The following RCHY1 variants were observed in gnomAD, a reference collection of about 807,000 sequenced individuals.
The protein encoded by RCHY1 is RING finger and CHY zinc finger domain-containing protein 1.
Under a neutral mutation model 41.6 loss-of-function variants are expected in RCHY1, and 21 were observed. That is an observed-to-expected ratio of 0.51 (90% CI 0.36 to 0.73). The LOEUF (loss-of-function observed/expected upper bound fraction) is 0.73, where lower values mean the gene tolerates loss of function less well. RCHY1 is among the 30% of genes least tolerant of loss of function. The pLI is 0.00. For missense variants in RCHY1, 265 were observed against 325.3 expected, an observed-to-expected ratio of 0.81 and a Z score of 1.43; for synonymous variants, 79 against 102.9, an observed-to-expected ratio of 0.77 and a Z score of 1.41.
intron 8 of RCHY1, among the ~76,000 whole-genome samples, chr4:75,483,600 T>C (rs1262887318): frequency 1.3e-5 from 2 of 152,184 alleles, no homozygotes; most frequent in Non-Finnish European, 2.9e-5. Context: ...GAATTGTATC[T>C]TAATGAAGCC....
intron 8 of RCHY1, among the ~76,000 whole-genome samples, chr4:75,484,368 A>G (rs1361430178): frequency 6.6e-6 from 1 of 152,098 alleles, no homozygotes; most frequent in African/African-American, 2.4e-5. Flanking sequence ...CGCAACAAAA[A>G]CTGGACTGGG....
intron 3 of RCHY1, among the ~76,000 whole-genome samples, chr4:75,503,367 A>G (rs1044357011): frequency 1.4e-4 from 21 of 152,212 alleles, no homozygotes; most frequent in African/African-American, 5.1e-4. Context: ...GTCTCACTGA[A>G]AAAAAGGAAT....
intron 8 of RCHY1, among the ~76,000 whole-genome samples, chr4:75,485,078 G>A (rs1289937339): frequency 6.6e-6 from 1 of 152,186 alleles, no homozygotes; most frequent in Non-Finnish European, 1.5e-5. Flanking sequence ...TGCCCTGAAG[G>A]CTAAAAGAAA....
chr4:75,503,949 C>A (rs2148761378), intron 3 of RCHY1, among the ~76,000 whole-genome samples: 1 of 152,206 alleles, frequency 6.6e-6, no homozygotes, highest in South Asian at 2.1e-4. Context: ...GAAAAAAATT[C>A]ATTAAAATGT....
chr4:75,499,591 TAAAA>T (rs1723550269), intron 3 of RCHY1, among the ~76,000 whole-genome samples: 1 of 152,136 alleles, frequency 6.6e-6, no homozygotes, highest in South Asian at 2.1e-4. Context: ...ACTCAGCCAT[TAAAA>T]AGAATGAAAT....
At chr4:75,495,456 T>C (rs981183100) in intron 3 of RCHY1, among the ~76,000 whole-genome samples, 4 of 152,042 alleles carry the variant, frequency 2.6e-5, no homozygotes, top group Non-Finnish European at 5.9e-5. Context: ...TATTCAGAAC[T>C]GTCCTGAATA....
intron 3 of RCHY1, among the ~76,000 whole-genome samples, chr4:75,497,805 C>T (rs907855841): frequency 2.0e-5 from 3 of 151,506 alleles, no homozygotes; most frequent in Non-Finnish European, 2.9e-5. Context: ...TCAACAAACC[C>T]TAAGCACAAG....
At chr4:75,505,053 C>A (rs532279894) in intron 3 of RCHY1, among the ~76,000 whole-genome samples, 1 of 152,294 alleles carries the variant, frequency 6.6e-6, no homozygotes, top group East Asian at 1.9e-4. Context: ...TCATGGAAGA[C>A]AATTTTTCCA....
At chr4:75,495,498 G>T (rs1723117713) in intron 3 of RCHY1, among the ~76,000 whole-genome samples, 1 of 151,928 alleles carries the variant, frequency 6.6e-6, no homozygotes, top group Admixed American at 6.6e-5. Flanking sequence ...TGGACGTTGG[G>T]AACAGAAGAG....
Position 75,508,834 on chromosome 4 carries a change from G to T in RCHY1, c.312C>A (p.Asn104Lys). 1.3e-6 allele frequency: 2 copies of T among 1,599,722 alleles called. No homozygotes were observed. Among genetic ancestry groups the T allele is most frequent in the Non-Finnish European group, 1.7e-6 (2 of 1,171,214 alleles). The change falls in exon 3 of 9, where the codon AAC becomes AAA. Residue 104 changes from asparagine to lysine, a missense_variant. By Grantham distance (94) the Asn-to-Lys change is moderately conservative. Transcript: ENST00000324439. ...DKDKKQYHCENCGICRIGPKE... is the reference protein window; with the variant it reads ...DKDKKQYHCEKCGICRIGPKE... ...ACATACAGTACCTACAAATTCCACA[G>T]TTTTCACAGTGATACTGCTTCTTAT...
Position 75,479,471 on chromosome 4 carries a change from T to G in RCHY1, c.*3067A>C, listed in dbSNP as rs1721360987. On this transcript the variant is annotated 3_prime_UTR_variant, in exon 9 of 9. Transcript: ENST00000324439. ...AGGGAAATTTAACATGTATATCATA[T>G]GAAAATAGGTTTTAGTGAAGAAATA... 1 of 152,118 alleles carries G rather than the reference T, an allele frequency of 6.6e-6. No individual in the cohort carries two copies. The highest frequency in any genetic ancestry group is 2.4e-5 in the African/African-American group (1 of 41,442). 9.4% of individuals were successfully genotyped at this position (152,118 alleles called of 1,614,324 possible). A position where few individuals can be genotyped will look rare whatever the true frequency, so the allele number is the denominator to read the frequency against.
chr4:75,513,033 C>T (rs1192452241), intron 1 of RCHY1, among the ~76,000 whole-genome samples: 2 of 151,898 alleles, frequency 1.3e-5, no homozygotes, highest in Non-Finnish European at 2.9e-5. Context: ...TTTTAGACCT[C>T]AAGTTTGAAA....
At chr4:75,489,956 G>C (rs967891608) in intron 8 of RCHY1, among the ~76,000 whole-genome samples, 4 of 152,146 alleles carry the variant, frequency 2.6e-5, no homozygotes, top group Admixed American at 1.3e-4. Context: ...TTAAGACAAA[G>C]TTAACCAGGA....
At position 75,482,329 on chromosome 4, in the gene RCHY1, G is replaced by A; in HGVS notation, c.*209C>T. On this transcript the variant is annotated 3_prime_UTR_variant, in exon 9 of 9. Transcript: ENST00000324439. ...AAAGGAATTTCCAATCAAAACACAAGCACAGTGGCTTTCATTCAATATAGA... is the reference window on the plus strand; with the variant it reads ...AAAGGAATTTCCAATCAAAACACAAACACAGTGGCTTTCATTCAATATAGA... The A allele has an allele frequency of 2.9e-6, 1 of 349,982 alleles. No individual in the cohort carries two copies. Among genetic ancestry groups the A allele is most frequent in the South Asian group, 1.3e-4 (1 of 7,534 alleles). 21.7% of individuals were successfully genotyped at this position (349,982 alleles called of 1,614,324 possible).
chr4:75,488,078 A>C (rs1722406120), intron 8 of RCHY1, among the ~76,000 whole-genome samples: 1 of 151,008 alleles, frequency 6.6e-6, no homozygotes, highest in African/African-American at 2.4e-5. Context: ...TGATTATTTG[A>C]TCTGTTAAAT....
chr4:75,497,309 C>G (rs1723305889), intron 3 of RCHY1, among the ~76,000 whole-genome samples: 1 of 152,130 alleles, frequency 6.6e-6, no homozygotes. Flanking sequence ...TAACTGTAAC[C>G]TAACTGGATG....
rs1295157204 is a variant in RCHY1, at chr4:75,482,386, C to G, written c.*152G>C. The G allele has an allele frequency of 1.8e-6, 1 of 551,894 alleles. No individual in the cohort carries two copies. Among genetic ancestry groups the G allele is most frequent in the African/African-American group, 1.9e-5 (1 of 51,518 alleles). 34.2% of individuals were successfully genotyped at this position (551,894 alleles called of 1,614,324 possible). ...ATAAGTCTATCAAGAGACCCTGAAT[C>G]CTTACGTACTTGTAATATGATTTTA... On this transcript the variant is annotated 3_prime_UTR_variant, in exon 9 of 9. Transcript: ENST00000324439.
At chr4:75,493,716 T>A (rs188499148) in intron 4 of RCHY1, among the ~76,000 whole-genome samples, 1 of 151,904 alleles carries the variant, frequency 6.6e-6, no homozygotes, top group Non-Finnish European at 1.5e-5. Flanking sequence ...GTCTTAATTA[T>A]AAAAAGAAAT....
chr4:75,497,566 G>A (rs772464133), intron 3 of RCHY1, among the ~76,000 whole-genome samples: 1 of 151,998 alleles, frequency 6.6e-6, no homozygotes, highest in South Asian at 2.1e-4. Context: ...CTTGCAAATC[G>A]TTCTTTGCTC....
Sources: allele counts gnomAD v4.1 joint callset (sites outside exome capture counted in the v4.1 genomes callset), GRCh38; gene constraint gnomAD v4.1.1; transcripts MANE v1.5; gene names NCBI Gene and HGNC (gene_info 2026-07-23, HGNC 2026-07-21).